Variants in SGCZ observed in about 807,000 individuals in gnomAD.
SGCZ encodes the protein sarcoglycan zeta, also known as zeta-sarcoglycan.
A neutral mutation model predicts 41.3 loss-of-function variants in SGCZ; 40 were observed. The ratio of observed to expected loss-of-function variants is 0.97; its 90% CI spans 0.75 to 1.26. SGCZ has a LOEUF of 1.26. SGCZ is among the 50% of genes most tolerant of loss of function. The pLI, the probability that SGCZ is intolerant of heterozygous loss-of-function variation, is 0.00. For synonymous variants in SGCZ, 206 were observed against 137.5 expected (o/e 1.50, Z -3.49); for missense variants, 552 against 369.8 (o/e 1.49, Z -4.04).
intron 1 of SGCZ, among the ~76,000 whole-genome samples, chr8:14,757,255 G>A (rs1799707767): frequency 6.6e-6 from 1 of 152,098 alleles, no homozygotes; most frequent in Admixed American, 6.5e-5. Flanking sequence ...CACTATGTTG[G>A]CCAGGCTGGA....
intron 1 of SGCZ, among the ~76,000 whole-genome samples, chr8:15,151,277 G>A (rs1304701666): frequency 6.6e-6 from 1 of 152,170 alleles, no homozygotes; most frequent in Non-Finnish European, 1.5e-5. Flanking sequence ...GAGACCATGA[G>A]CCAAATCTAT....
At chr8:14,529,541 T>G (rs1261291642) in intron 2 of SGCZ, among the ~76,000 whole-genome samples, 2 of 152,150 alleles carry the variant, frequency 1.3e-5, no homozygotes, top group Non-Finnish European at 2.9e-5. Context: ...TTAGCCCTCA[T>G]CTAGGATTGT....
chr8:14,112,303 G>C (rs1325607575), intron 5 of SGCZ, among the ~76,000 whole-genome samples: 22 of 148,678 alleles, frequency 1.5e-4, no homozygotes, highest in Non-Finnish European at 2.4e-4. Context: ...GTGCAAAGAA[G>C]GGAATGGATT....
chr8:14,274,039 C>A (rs1800147802), intron 3 of SGCZ, among the ~76,000 whole-genome samples: 1 of 152,112 alleles, frequency 6.6e-6, no homozygotes, highest in Non-Finnish European at 1.5e-5. Context: ...TAAAATTCCT[C>A]AGGGTATTGT....
intron 1 of SGCZ, among the ~76,000 whole-genome samples, chr8:14,899,943 G>A (rs766820654): frequency 2.6e-5 from 4 of 152,258 alleles, no homozygotes; most frequent in East Asian, 1.9e-4. Context: ...TGACCTGTAC[G>A]TAGTTCTAGC....
At chr8:14,400,188 T>A (rs1468023941) in intron 2 of SGCZ, among the ~76,000 whole-genome samples, 1 of 128,186 alleles carries the variant, frequency 7.8e-6, no homozygotes, top group Non-Finnish European at 1.6e-5. Context: ...ATAGCGTGTA[T>A]TGATACTTCA....
At chr8:14,647,804 G>C (rs557463134) in intron 1 of SGCZ, among the ~76,000 whole-genome samples, 21 of 152,060 alleles carry the variant, frequency 1.4e-4, no homozygotes, top group Non-Finnish European at 2.5e-4. Context: ...GATGATGCTA[G>C]AGAAACCACT....
At chr8:14,454,892 G>C (rs907357816) in intron 2 of SGCZ, among the ~76,000 whole-genome samples, 2 of 152,146 alleles carry the variant, frequency 1.3e-5, no homozygotes, top group African/African-American at 4.8e-5. Context: ...AATGGATTAG[G>C]CATATACATG....
At chr8:14,943,451 G>A (rs1800341311) in intron 1 of SGCZ, among the ~76,000 whole-genome samples, 1 of 152,156 alleles carries the variant, frequency 6.6e-6, no homozygotes, top group Admixed American at 6.6e-5. Context: ...CTATACTGAT[G>A]CCTGTGAGGC....
chr8:14,946,390 C>T (rs569055949), intron 1 of SGCZ, among the ~76,000 whole-genome samples: 2 of 151,938 alleles, frequency 1.3e-5, no homozygotes, highest in East Asian at 2.0e-4. Flanking sequence ...CAGTCCCAAA[C>T]TTTGCATTTC....
chr8:14,676,379 C>G (rs1186863672), intron 1 of SGCZ, among the ~76,000 whole-genome samples: 1 of 101,438 alleles, frequency 9.9e-6, no homozygotes, highest in Admixed American at 1.3e-4. Flanking sequence ...TATCTCCAGC[C>G]CTGATGGCAT....
intron 2 of SGCZ, among the ~76,000 whole-genome samples, chr8:14,429,927 T>C (rs1799895501): frequency 6.6e-6 from 1 of 152,190 alleles, no homozygotes; most frequent in Admixed American, 6.5e-5. Context: ...CTCCTCTAGT[T>C]TTCTAATTTG....
intron 1 of SGCZ, among the ~76,000 whole-genome samples, chr8:15,107,156 C>A (rs995762166): frequency 2.0e-5 from 3 of 152,016 alleles, no homozygotes; most frequent in Non-Finnish European, 2.9e-5. Context: ...ATTAGTTTGT[C>A]ATTTTATGTC....
intron 3 of SGCZ, among the ~76,000 whole-genome samples, chr8:14,283,079 G>A (rs2116922935): frequency 6.6e-6 from 1 of 151,770 alleles, no homozygotes; most frequent in South Asian, 2.1e-4. Context: ...TCGATCTCCT[G>A]ACCTCGTGAT....
intron 1 of SGCZ, among the ~76,000 whole-genome samples, chr8:15,046,775 G>C (rs1032701094): frequency 6.6e-6 from 1 of 151,982 alleles, no homozygotes; most frequent in African/African-American, 2.4e-5. Context: ...ATATACAAAT[G>C]TCTGATGCTA....
chr8:14,399,354 G>A (rs533647160), intron 2 of SGCZ, among the ~76,000 whole-genome samples: 158 of 152,136 alleles, frequency 1.0e-3, no homozygotes, highest in African/African-American at 3.7e-3. Flanking sequence ...AATCTGACAG[G>A]CCTGGGCATC....
chr8:15,098,868 G>A (rs1302645240), intron 1 of SGCZ, among the ~76,000 whole-genome samples: 6 of 152,134 alleles, frequency 3.9e-5, no homozygotes, highest in African/African-American at 1.2e-4. Flanking sequence ...AGACCAGCCC[G>A]GCCAACATGG....
intron 2 of SGCZ, among the ~76,000 whole-genome samples, chr8:14,397,024 T>C (rs557444113): frequency 6.6e-6 from 1 of 152,310 alleles, no homozygotes; most frequent in African/African-American, 2.4e-5. Context: ...ATTTGAACTT[T>C]ACAGGACTCA....
intron 4 of SGCZ, among the ~76,000 whole-genome samples, chr8:14,226,964 T>C (rs1342366941): frequency 1.3e-5 from 2 of 152,104 alleles, no homozygotes; most frequent in Admixed American, 1.3e-4. Flanking sequence ...TAATGTGTAA[T>C]ATTGAAGGCT....
Sources: gnomAD v4.1 joint callset for allele counts (sites outside exome capture counted in the v4.1 genomes callset) on GRCh38, gnomAD v4.1.1 for gene constraint, MANE v1.5 for transcripts, NCBI Gene and HGNC (gene_info 2026-07-23, HGNC 2026-07-21) for gene names.